LINGO2: variants seen among roughly 807,000 people sequenced by gnomAD.
LINGO2 encodes the protein leucine rich repeat and Ig domain containing 2, also known as leucine-rich repeat and immunoglobulin-like domain-containing nogo receptor-interacting protein 2.
In LINGO2, 14 loss-of-function variants were observed where a neutral mutation model predicts 30.6. The observed-to-expected ratio is 0.46, with a 90% CI of 0.30 to 0.72. LINGO2 has a LOEUF of 0.72. Ranked by LOEUF, LINGO2 falls within the 30% of genes least tolerant of loss-of-function variation. The pLI is 0.07. For synonymous variants in LINGO2, 317 were observed against 288.5 expected (o/e 1.10, Z -1.00); for missense variants, 729 against 751.7 (o/e 0.97, Z 0.35).
In LINGO2 at chr9:28,584,359, C is replaced by A. The variant is rs150227373; in HGVS notation, c.-365+85841G>T. Among the ~76,000 whole-genome samples, 355 of 152,182 alleles carry A rather than the reference C, an allele frequency of 2.3e-3. 3 individuals are homozygous for A. The highest frequency in any genetic ancestry group is 8.2e-3 in the African/African-American group (340 of 41,534). ...AGAGCATCTCATTTTATTTGAAGCA[C>A]TAAAATCATACTTTAATTCTAAACA... is the stretch of plus-strand genomic sequence containing the variant. On this transcript the variant is annotated intron_variant, in intron 1 of 5. Coordinates refer to ENST00000379992, the Ensembl canonical transcript of LINGO2.
intron 1 of LINGO2, among the ~76,000 whole-genome samples, chr9:28,498,368 T>A (rs978288222): frequency 6.6e-6 from 1 of 152,050 alleles, no homozygotes; most frequent in Non-Finnish European, 1.5e-5. Flanking sequence ...CGGGCGCCCC[T>A]CCGCTAGCCT....
At chr9:28,861,209 T>G in the LINGO2 span, among the ~76,000 whole-genome samples, 1 of 116,662 alleles carries the variant, frequency 8.6e-6, no homozygotes, top group Non-Finnish European at 1.6e-5. Flanking sequence ...TTATATATTT[T>G]TTATATAATA....
chr9:28,052,596 A>G (rs893255523), intron 4 of LINGO2, among the ~76,000 whole-genome samples: 18 of 152,106 alleles, frequency 1.2e-4, no homozygotes, highest in African/African-American at 4.3e-4. Flanking sequence ...GTTTCATGGT[A>G]CGCATCTCTC....
At chr9:28,575,571 GA>G (rs1392247937) in intron 1 of LINGO2, among the ~76,000 whole-genome samples, 1 of 151,924 alleles carries the variant, frequency 6.6e-6, no homozygotes, top group Admixed American at 6.6e-5. Flanking sequence ...GGCAAGGGTT[GA>G]AAAACTAACT....
chr9:27,976,621 A>G (rs940455048), intron 5 of LINGO2, among the ~76,000 whole-genome samples: 2 of 152,100 alleles, frequency 1.3e-5, no homozygotes, highest in African/African-American at 2.4e-5. Context: ...TCCTTAAGAC[A>G]TGTGCCCAAT....
intron 4 of LINGO2, among the ~76,000 whole-genome samples, chr9:28,134,472 A>G (rs890527500): frequency 7.9e-5 from 12 of 152,354 alleles, no homozygotes; most frequent in African/African-American, 2.6e-4. Flanking sequence ...TGTAACTCCA[A>G]TGATAAGTTA....
At chr9:28,125,357 ATATT>A (rs1827207690) in intron 4 of LINGO2, among the ~76,000 whole-genome samples, 2 of 152,240 alleles carry the variant, frequency 1.3e-5, no homozygotes, top group Non-Finnish European at 2.9e-5. Flanking sequence ...TTAGCAGTCT[ATATT>A]TAATACGTAT....
intron 1 of LINGO2, among the ~76,000 whole-genome samples, chr9:28,609,989 G>A (rs1020630670): frequency 6.6e-6 from 1 of 152,002 alleles, no homozygotes; most frequent in African/African-American, 2.4e-5. Flanking sequence ...GCAAAATGCA[G>A]AATAACATAT....
At chr9:28,644,402 CTAAGTGACA>C (rs1450887547) in intron 1 of LINGO2, among the ~76,000 whole-genome samples, 1 of 151,620 alleles carries the variant, frequency 6.6e-6, no homozygotes. Context: ...AGGTTCCTGG[CTAAGTGACA>C]TAAGCTAGGC....
At chr9:28,906,781 T>A in the LINGO2 span, among the ~76,000 whole-genome samples, 3 of 151,954 alleles carry the variant, frequency 2.0e-5, no homozygotes, top group Non-Finnish European at 4.4e-5. Flanking sequence ...AAATAATTTC[T>A]CAATCCTAAG....
chr9:27,949,943 G>A (rs753117009), exon 6 of LINGO2: 4 of 1,614,160 alleles, frequency 2.5e-6, no homozygotes, highest in Non-Finnish European at 2.5e-6. Context: ...AGAGGCTATT[G>A]GCAGGCATCA....
At chr9:28,150,004 C>T (rs965784348) in intron 4 of LINGO2, among the ~76,000 whole-genome samples, 10 of 132,482 alleles carry the variant, frequency 7.5e-5, no homozygotes, top group East Asian at 2.3e-4. Flanking sequence ...GTCCTGTCTG[C>T]GAAGTGAGGA....
chr9:29,148,521 C>T, the LINGO2 span, among the ~76,000 whole-genome samples: 2 of 152,090 alleles, frequency 1.3e-5, no homozygotes, highest in Admixed American at 1.3e-4. Context: ...TGCCAACCTC[C>T]TACAATTCAA....
chr9:28,536,701 G>A (rs1458406699), intron 1 of LINGO2, among the ~76,000 whole-genome samples: 2 of 152,004 alleles, frequency 1.3e-5, no homozygotes, highest in East Asian at 1.9e-4. Context: ...TATCAACAAC[G>A]AGCAATCAAC....
chr9:28,555,883 C>A (rs562219670), intron 1 of LINGO2, among the ~76,000 whole-genome samples: 162 of 152,122 alleles, frequency 1.1e-3, no homozygotes, highest in Middle Eastern at 3.4e-3. Flanking sequence ...ATAAACAGAA[C>A]CAAAGACAAA....
chr9:28,696,885 G>A, the LINGO2 span, among the ~76,000 whole-genome samples: 57 of 151,766 alleles, frequency 3.8e-4, no homozygotes, highest in Non-Finnish European at 7.8e-4. Flanking sequence ...AACAATATAC[G>A]TTTTGTGCTA....
chr9:29,057,700 C>T, the LINGO2 span, among the ~76,000 whole-genome samples: 1 of 152,084 alleles, frequency 6.6e-6, no homozygotes, highest in Non-Finnish European at 1.5e-5. Context: ...GAGTCTGTAA[C>T]AGAATACTTA....
intron 5 of LINGO2, among the ~76,000 whole-genome samples, chr9:27,961,003 T>C (rs1819816882): frequency 6.6e-6 from 1 of 152,202 alleles, no homozygotes; most frequent in Admixed American, 6.5e-5. Flanking sequence ...ATTTTTCAAC[T>C]TTACAATGGT....
chr9:28,299,592 T>C (rs771312586), intron 3 of LINGO2, among the ~76,000 whole-genome samples: 1 of 152,128 alleles, frequency 6.6e-6, no homozygotes, highest in East Asian at 1.9e-4. Context: ...GTCTCCCAAA[T>C]TATGAGAAGT....
Sources: gnomAD v4.1 joint callset for allele counts (sites outside exome capture counted in the v4.1 genomes callset) on GRCh38, gnomAD v4.1.1 for gene constraint, MANE v1.5 for transcripts, NCBI Gene and HGNC (gene_info 2026-07-23, HGNC 2026-07-21) for gene names.